Variants in BRWD1 observed in about 807,000 individuals in gnomAD.
The protein encoded by BRWD1 is bromodomain and WD repeat-containing protein 1.
In BRWD1, 82 loss-of-function variants were observed where a neutral mutation model predicts 251.2. That is an observed-to-expected ratio of 0.33 (90% CI 0.27 to 0.39). The LOEUF is 0.39. Ranked by LOEUF, BRWD1 falls within the 10% of genes least tolerant of loss-of-function variation. BRWD1 has a pLI of 1.00. For synonymous variants in BRWD1, 918 were observed against 902.8 expected, an observed-to-expected ratio of 1.02 and a Z score of -0.30; for missense variants, 2,233 against 2,711.6, an observed-to-expected ratio of 0.82 and a Z score of 3.92.
chr21:39,278,876 T>TA (rs2035361958), intron 9 of BRWD1, 63 bp from the exon 10 acceptor site: 2 of 1,237,886 alleles, frequency 1.6e-6, no homozygotes, highest in Non-Finnish European at 2.2e-6. Flanking sequence ...CAGCTTAAAA[T>TA]ATTAGTTTTA....
At chr21:39,259,243 T>C (rs184750599) in intron 17 of BRWD1, among the ~76,000 whole-genome samples, 19 of 152,266 alleles carry the variant, frequency 1.2e-4, no homozygotes, top group Non-Finnish European at 2.1e-4. Context: ...CTCAAATTAC[T>C]CTCTTAGATA....
At chr21:39,307,431 GTAT>G (rs1601509114) in intron 4 of BRWD1, among the ~76,000 whole-genome samples, 2 of 151,896 alleles carry the variant, frequency 1.3e-5, no homozygotes, top group South Asian at 4.1e-4. Flanking sequence ...GAATATCAAT[GTAT>G]TATATGTATA....
chr21:39,229,246 A>C, intron 26 of BRWD1, 66 bp downstream of exon 26: 2 of 1,340,454 alleles, frequency 1.5e-6, no homozygotes, highest in Non-Finnish European at 2.1e-6. Context: ...AGGGCATGCT[A>C]ATCATTCAAT....
chr21:39,207,027 C>A (rs1032370581), intron 36 of BRWD1, among the ~76,000 whole-genome samples: 1 of 152,108 alleles, frequency 6.6e-6, no homozygotes, highest in Non-Finnish European at 1.5e-5. Flanking sequence ...GTGAGATATA[C>A]GAATTTCTTA....
chr21:39,207,028 GA>G (rs1173401898), intron 36 of BRWD1, among the ~76,000 whole-genome samples: 3 of 152,112 alleles, frequency 2.0e-5, no homozygotes, highest in Non-Finnish European at 4.4e-5. Flanking sequence ...TGAGATATAC[GA>G]ATTTCTTACA....
intron 27 of BRWD1, among the ~76,000 whole-genome samples, chr21:39,227,852 CA>C (rs1490874088): frequency 6.6e-6 from 1 of 152,064 alleles, no homozygotes; most frequent in Non-Finnish European, 1.5e-5. Flanking sequence ...GCCAATGTTA[CA>C]TCAAAGATAA....
At position 39,191,254 on chromosome 21, in the gene BRWD1, T is replaced by C. The variant is rs371666837; in HGVS notation, c.*5005A>G. The stretch of plus-strand genomic sequence containing the variant: ...CTCCTGACTCGCTTCAGTTCCCCTA[T>C]CCAAGCTCATATGTAAAACTCACAG... On this transcript the variant is annotated 3_prime_UTR_variant, in exon 41 of 41. Transcript: ENST00000342449. 225 of 985,280 alleles carry C rather than the reference T, an allele frequency of 2.3e-4. 2 individuals carry two copies. In the South Asian group the frequency reaches 8.9e-3, roughly 39 times the overall value. 61.0% of individuals were successfully genotyped at this position (985,280 alleles called of 1,614,324 possible). A position where few individuals can be genotyped will look rare whatever the true frequency, so the allele number is the denominator to read the frequency against.
At chr21:39,222,999 G>A (rs1359098122) in intron 29 of BRWD1, among the ~76,000 whole-genome samples, 2 of 151,942 alleles carry the variant, frequency 1.3e-5, no homozygotes, top group Admixed American at 6.6e-5. Flanking sequence ...CAAACTAATG[G>A]AAATTCTATA....
chr21:39,299,225 T>C (rs186277283), intron 4 of BRWD1, among the ~76,000 whole-genome samples: 186 of 139,890 alleles, frequency 1.3e-3, no homozygotes, highest in African/African-American at 4.6e-3. Context: ...TATATATACA[T>C]ATTACGCTAA....
In BRWD1 at chr21:39,196,680, C is replaced by T; in HGVS notation, c.6389G>A (p.Arg2130Lys). Reference protein sequence around the residue: ...ETAEKEVKRKRSHPELENVKI... With the variant: ...ETAEKEVKRKKSHPELENVKI... ...CACATTTTCCAATTCAGGATGCGATCTCTTCCTTTTTACTTCCTTCTCTGC... is the reference window on the plus strand; with the variant it reads ...CACATTTTCCAATTCAGGATGCGATTTCTTCCTTTTTACTTCCTTCTCTGC... Residue 2130 changes from arginine (R) to lysine (K), a missense_variant, in exon 41 of 41, where the codon AGA (arginine) becomes AAA (lysine). Arg to Lys is a conservative substitution (Grantham distance 26, BLOSUM62 2). Coordinates refer to ENST00000342449, the MANE Select transcript of BRWD1 (RefSeq NM_033656.4). 2 of 1,613,954 alleles carry T rather than the reference C, an allele frequency of 1.2e-6. No homozygotes were observed. The highest frequency in any genetic ancestry group is 1.7e-6 in the Non-Finnish European group (2 of 1,179,888).
At chr21:39,226,849 A>G (rs2033404117) in intron 27 of BRWD1, among the ~76,000 whole-genome samples, 1 of 152,164 alleles carries the variant, frequency 6.6e-6, no homozygotes, top group African/African-American at 2.4e-5. Context: ...GTGGCCAGAT[A>G]TGGTGGCTCA....
chr21:39,217,040 TATATATATA>T (rs1209389683), intron 31 of BRWD1: 57 of 17,384 alleles, frequency 3.3e-3, no homozygotes, highest in Admixed American at 5.2e-3. Context: ...TATATAAATA[TATATATATA>T]TTTATATATA....
Position 39,188,172 on chromosome 21 carries a change from G to T in BRWD1, c.*8087C>A, listed in dbSNP as rs192187280. 2.0e-6 allele frequency: 2 copies of T among 985,352 alleles called. No homozygotes were observed. Among genetic ancestry groups the T allele is most frequent in the East Asian group, 2.3e-4 (2 of 8,812 alleles). 61.0% of individuals were successfully genotyped at this position (985,352 alleles called of 1,614,324 possible). On this transcript the variant is annotated 3_prime_UTR_variant, in exon 41 of 41. Transcript: ENST00000342449. ...AACAAGTCTAATTAGTACTCTTCTA[G>T]AACAGAAGTGATATTCCTTTTACGT... is the stretch of plus-strand genomic sequence containing the variant.
intron 8 of BRWD1, among the ~76,000 whole-genome samples, chr21:39,282,571 T>C (rs914654500): frequency 1.4e-4 from 22 of 152,186 alleles, no homozygotes; most frequent in African/African-American, 4.8e-4. Context: ...AAAAAAAATT[T>C]AAACACCTTC....
Position 39,188,101 on chromosome 21 carries a change from A to T in BRWD1, c.*8158T>A. On this transcript the variant is annotated 3_prime_UTR_variant, in exon 41 of 41. Transcript: ENST00000342449. ...GCTGACCAAACTTAGGAGGGCTCAG[A>T]TATGTTTGTTACCAGTGTCTCAAAG... 1 of 985,430 alleles carries T rather than the reference A, an allele frequency of 1.0e-6. No individual in the cohort carries two copies. The highest frequency in any genetic ancestry group is 1.2e-6 in the Non-Finnish European group (1 of 829,926). 61.0% of individuals were successfully genotyped at this position (985,430 alleles called of 1,614,324 possible). A position where few individuals can be genotyped will look rare whatever the true frequency, so the allele number is the denominator to read the frequency against.
chr21:39,244,642 G>C (rs7282947), intron 21 of BRWD1, among the ~76,000 whole-genome samples: 140,927 of 152,080 alleles, frequency 0.93, 65,646 homozygotes, highest in African/African-American at 0.97. Context: ...AATGATAATG[G>C]CACTACATAC....
Position 39,186,768 on chromosome 21 carries a change from T to C in BRWD1, c.*9491A>G, listed in dbSNP as rs1363930420. On this transcript the variant is annotated 3_prime_UTR_variant, in exon 41 of 41. Coordinates refer to ENST00000342449, the MANE Select transcript of BRWD1 (RefSeq NM_033656.4). ...GGCCTTGCATTCTGGAAAGGAATAG[T>C]AGTCTTATAGCAGGCCATTTGTCTT... 3 of 343,390 alleles carry C rather than the reference T, an allele frequency of 8.7e-6. No homozygotes were observed. Among genetic ancestry groups the C allele is most frequent in the African/African-American group, 2.1e-5 (1 of 46,860 alleles). The allele number at this position is 343,390 out of a possible 1,614,324, so 21.3% of individuals were successfully genotyped here.
At position 39,191,389 on chromosome 21, in the gene BRWD1, T is replaced by C. The variant is rs544777353; in HGVS notation, c.*4870A>G. ...TTAACCAGCTAGAATGTATTTGGCTTGGAGTAGTGTTTTGTTTTGTTTTTT... is the reference window on the plus strand; with the variant it reads ...TTAACCAGCTAGAATGTATTTGGCTCGGAGTAGTGTTTTGTTTTGTTTTTT... On this transcript the variant is annotated 3_prime_UTR_variant, in exon 41 of 41. Transcript: ENST00000342449. The C allele has an allele frequency of 2.0e-3, 2,018 of 985,382 alleles. 3 individuals carry two copies. The highest frequency in any genetic ancestry group is 2.3e-3 in the Non-Finnish European group (1,939 of 829,902). 61.0% of individuals were successfully genotyped at this position (985,382 alleles called of 1,614,324 possible). A position where few individuals can be genotyped will look rare whatever the true frequency, so the allele number is the denominator to read the frequency against.
rs554873259 is a variant in BRWD1 at position 39,313,573 on chromosome 21, C to T, written c.-82G>A. On this transcript the variant is annotated 5_prime_UTR_variant, in exon 1 of 41. Coordinates refer to ENST00000342449, the MANE Select transcript of BRWD1 (RefSeq NM_033656.4). ...GCCGAGGCCTGACCGGGCTGGCGTC[C>T]CCTCTTCTCAGGCGCGCGCCGCCGC... 32 of 1,182,906 alleles carry T rather than the reference C, an allele frequency of 2.7e-5. No individual in the cohort carries two copies. Among genetic ancestry groups the T allele is most frequent in the Admixed American group, 4.6e-5 (1 of 21,690 alleles). 73.3% of individuals were successfully genotyped at this position (1,182,906 alleles called of 1,614,324 possible).
Sources: gnomAD v4.1 joint callset for allele counts (sites outside exome capture counted in the v4.1 genomes callset) on GRCh38, gnomAD v4.1.1 for gene constraint, MANE v1.5 for transcripts, NCBI Gene and HGNC (gene_info 2026-07-23, HGNC 2026-07-21) for gene names.